Variants in ESYT2 observed in about 807,000 individuals in gnomAD.
The protein encoded by ESYT2 is extended synaptotagmin 2.
ESYT2 carries 54 observed loss-of-function variants against 107.2 expected under a neutral mutation model. That is an observed-to-expected ratio of 0.50 (90% CI 0.40 to 0.63). The LOEUF (loss-of-function observed/expected upper bound fraction) is 0.63. Among genes scored for constraint, ESYT2 ranks in the 30% least tolerant of loss-of-function variants. ESYT2 has a pLI of 0.00. For missense variants in ESYT2, 1,020 were observed against 1,094.5 expected (o/e 0.93, Z 0.96); for synonymous variants, 491 against 434.1 (o/e 1.13, Z -1.63).
intron 13 of ESYT2, among the ~76,000 whole-genome samples, chr7:158,754,953 A>G (rs1837702358): frequency 6.6e-6 from 1 of 152,198 alleles, no homozygotes; most frequent in Non-Finnish European, 1.5e-5. Flanking sequence ...GTATGCTGTC[A>G]TATCAGGCTT....
intron 20 of ESYT2, among the ~76,000 whole-genome samples, chr7:158,736,038 T>C (rs1190237797): frequency 2.6e-5 from 4 of 152,224 alleles, no homozygotes; most frequent in African/African-American, 9.6e-5. Flanking sequence ...AAGTATGTGC[T>C]TGCAGCTTCG....
chr7:158,802,149 T>C (rs956159298), intron 1 of ESYT2, among the ~76,000 whole-genome samples: 1 of 152,192 alleles, frequency 6.6e-6, no homozygotes, highest in Non-Finnish European at 1.5e-5. Context: ...CATAAAAAAA[T>C]TGACAGCTAA....
Position 158,741,846 on chromosome 7 carries a change from AGCTGAGTGTTGGTG to A in ESYT2, c.1831_1844del (p.His611SerfsTer42). 6.2e-7 allele frequency: 1 copy of A among 1,613,612 alleles called. No homozygotes were observed. The highest frequency in any genetic ancestry group is 8.5e-7 in the Non-Finnish European group (1 of 1,179,840). On this transcript the variant is annotated frameshift_variant, in exon 18 of 23. Coordinates refer to ENST00000275418, the MANE Select transcript of ESYT2 (RefSeq NM_001367773.1). ...TGGACACAGAGGGACGTTTGACTTG[AGCTGAGTGTTGGTG>A]GTCTGGAGGCCTTTCTCGCTTTTCG... is the stretch of plus-strand genomic sequence containing the variant.
At chr7:158,763,315 G>A (rs1362704428) in intron 9 of ESYT2, 150 bp from the exon 10 acceptor site, 1 of 394,816 alleles carries the variant, frequency 2.5e-6, no homozygotes, top group Non-Finnish European at 4.2e-6. Context: ...TATTTCTGGA[G>A]ATGGAGTCTC....
chr7:158,743,545 A>T lies in ESYT2; in HGVS notation c.1778T>A (p.Met593Lys). ...ACACGATACCCGCAGGGCAATCTTC[A>T]TCTTGATGGTGCTGTTTGGACCCGA... ...SNSGPNSTIK[M>K]KIALRVLHLE... Residue 593 changes from methionine (M) to lysine (K), a missense_variant, in exon 17 of 23, where the codon ATG becomes AAG. Coordinates refer to ENST00000275418, the MANE Select transcript of ESYT2 (RefSeq NM_001367773.1). 6.2e-7 allele frequency: 1 copy of T among 1,611,434 alleles called. No individual in the cohort carries two copies. Among genetic ancestry groups the T allele is most frequent in the Non-Finnish European group, 8.5e-7 (1 of 1,179,182 alleles).
intron 3 of ESYT2, among the ~76,000 whole-genome samples, chr7:158,793,979 T>C (rs939024789): frequency 6.6e-6 from 1 of 152,232 alleles, no homozygotes; most frequent in Non-Finnish European, 1.5e-5. Flanking sequence ...ACAAAATAAA[T>C]GTCAAGACAG....
At chr7:158,782,446 A>G (rs1354085199) in intron 6 of ESYT2, among the ~76,000 whole-genome samples, 1 of 151,834 alleles carries the variant, frequency 6.6e-6, no homozygotes, top group East Asian at 2.0e-4. Context: ...GAGTGTAAGA[A>G]CGAGAACAAG....
chr7:158,797,804 A>G lies in ESYT2; in HGVS notation c.507+138T>C, dbSNP rs921706178. 70 of 1,163,868 alleles carry G rather than the reference A, an allele frequency of 6.0e-5. No homozygotes were observed. The African/African-American group carries it at 9.5e-4, about 16-fold the overall frequency. 72.1% of individuals were successfully genotyped at this position (1,163,868 alleles called of 1,614,324 possible). A position where few individuals can be genotyped will look rare whatever the true frequency, so the allele number is the denominator to read the frequency against. ...GGGAGGCAGAGTTTGCAGTGAGCCAAGATAGTGCCACTGCACTCCAGCCTG... is the reference window on the plus strand; with the variant it reads ...GGGAGGCAGAGTTTGCAGTGAGCCAGGATAGTGCCACTGCACTCCAGCCTG... On this transcript the variant is annotated intron_variant, in intron 3 of 22. Coordinates refer to ENST00000275418, the MANE Select transcript of ESYT2 (RefSeq NM_001367773.1).
chr7:158,771,434 T>C (rs548671226), intron 7 of ESYT2, among the ~76,000 whole-genome samples: 83 of 152,386 alleles, frequency 5.4e-4, no homozygotes, highest in African/African-American at 1.9e-3. Context: ...CTTTGCCTTC[T>C]GTAGGGGTGT....
chr7:158,739,627 C>T (rs922755867), intron 18 of ESYT2, among the ~76,000 whole-genome samples: 9 of 152,204 alleles, frequency 5.9e-5, no homozygotes, highest in South Asian at 2.1e-4. Flanking sequence ...GGATTACAGG[C>T]GTGAGCCATC....
At chr7:158,748,866 C>T (rs1271925005) in intron 15 of ESYT2, among the ~76,000 whole-genome samples, 2 of 151,664 alleles carry the variant, frequency 1.3e-5, no homozygotes, top group Non-Finnish European at 2.9e-5. Context: ...ATTACAGGCA[C>T]GTGCCACCAT....
chr7:158,735,482 G>C (rs755928004), intron 21 of ESYT2, 21 bp downstream of exon 21: 1 of 1,592,944 alleles, frequency 6.3e-7, no homozygotes, highest in Non-Finnish European at 8.6e-7. Context: ...GGAACTGGTT[G>C]AGGATTCGTT....
chr7:158,818,777 G>C (rs1020331313), intron 1 of ESYT2, among the ~76,000 whole-genome samples: 23 of 152,232 alleles, frequency 1.5e-4, no homozygotes, highest in Non-Finnish European at 4.4e-5. Context: ...TCACCCAAGG[G>C]CAGGGAGTTA....
At chr7:158,818,407 G>T (rs941761377) in intron 1 of ESYT2, among the ~76,000 whole-genome samples, 3 of 152,190 alleles carry the variant, frequency 2.0e-5, no homozygotes, top group African/African-American at 7.2e-5. Context: ...ACACATACTT[G>T]CAAGTGTTAA....
At chr7:158,790,351 G>A (rs1358053712) in intron 4 of ESYT2, among the ~76,000 whole-genome samples, 2 of 152,140 alleles carry the variant, frequency 1.3e-5, no homozygotes, top group Non-Finnish European at 2.9e-5. Context: ...ACACTACATG[G>A]TTGTTCTGAG....
chr7:158,745,526 C>T (rs190855304), intron 16 of ESYT2, among the ~76,000 whole-genome samples: 49 of 152,306 alleles, frequency 3.2e-4, no homozygotes, highest in African/African-American at 1.1e-3. Context: ...ATGAGACACT[C>T]GCCAACACCA....
intron 16 of ESYT2, among the ~76,000 whole-genome samples, chr7:158,747,238 T>G (rs1341689755): frequency 6.6e-6 from 1 of 151,284 alleles, no homozygotes; most frequent in Non-Finnish European, 1.5e-5. Context: ...ATCCCAGCTC[T>G]CAGGAGGCTG....
chr7:158,769,933 T>A (rs911151973), intron 7 of ESYT2, among the ~76,000 whole-genome samples: 4 of 152,240 alleles, frequency 2.6e-5, no homozygotes, highest in African/African-American at 7.2e-5. Flanking sequence ...TTAATTAATT[T>A]ATTTTTTTTG....
intron 11 of ESYT2, 137 bp from the exon 12 acceptor site, chr7:158,760,284 C>G: frequency 1.4e-6 from 1 of 722,010 alleles, no homozygotes; most frequent in Middle Eastern, 2.6e-4. Context: ...GAAGGCTGAG[C>G]CTCACCATAT....
Sources: allele counts gnomAD v4.1 joint callset (sites outside exome capture counted in the v4.1 genomes callset), GRCh38; gene constraint gnomAD v4.1.1; transcripts MANE v1.5; gene names NCBI Gene and HGNC (gene_info 2026-07-23, HGNC 2026-07-21).